Variants in TLN2 observed in about 807,000 individuals in gnomAD.
The protein encoded by TLN2 is talin-2.
A neutral mutation model predicts 294.7 loss-of-function variants in TLN2; 118 were observed. That is an observed-to-expected ratio of 0.40 (90% CI 0.34 to 0.47). TLN2 has a LOEUF of 0.47. Ranked by LOEUF, TLN2 falls within the 20% of genes least tolerant of loss-of-function variation. TLN2 has a pLI of 0.84. For missense variants in TLN2, 3,083 were observed against 3,282.2 expected, an observed-to-expected ratio of 0.94 and a Z score of 1.48; for synonymous variants, 1,431 against 1,304.5, an observed-to-expected ratio of 1.10 and a Z score of -2.09.
At chr15:62,694,236 C>T (rs1465144869) in intron 13 of TLN2, 80 bp from the exon 14 acceptor site, 1 of 1,340,236 alleles carries the variant, frequency 7.5e-7, no homozygotes, top group African/African-American at 1.4e-5. Flanking sequence ...CTCAGCCTCC[C>T]AAAGTGCTGG....
chr15:62,735,618 A>G (rs1382801931), intron 28 of TLN2, among the ~76,000 whole-genome samples: 1 of 152,250 alleles, frequency 6.6e-6, no homozygotes, highest in Non-Finnish European at 1.5e-5. Flanking sequence ...TGCAGTTCTT[A>G]CAGATTGCCA....
At chr15:62,542,404 A>G (rs369024418) in intron 1 of TLN2, among the ~76,000 whole-genome samples, 6 of 152,068 alleles carry the variant, frequency 3.9e-5, no homozygotes, top group African/African-American at 1.4e-4. Flanking sequence ...GTTAGCCAGG[A>G]TGGTCTCGAT....
chr15:62,528,418 A>G (rs2040853220), intron 1 of TLN2, among the ~76,000 whole-genome samples: 1 of 152,066 alleles, frequency 6.6e-6, no homozygotes, highest in Non-Finnish European at 1.5e-5. Flanking sequence ...AGGTTAACAA[A>G]CTTAGGTCCA....
In TLN2 at chr15:62,771,151, C is replaced by G. The variant is rs777711163; in HGVS notation, c.5367+17C>G. 3.8e-6 allele frequency: 6 copies of G among 1,592,506 alleles called. No individual in the cohort carries two copies. The highest frequency in any genetic ancestry group is 1.3e-5 in the African/African-American group (1 of 74,386). On this transcript the variant is annotated intron_variant, in intron 42 of 58. Coordinates refer to ENST00000636159, the MANE Select transcript of TLN2 (RefSeq NM_015059.3). ...AACCCCAAGGTATGGTCCAGGATAT[C>G]GGGGACTCACTTAGGACCACTAAGA...
chr15:62,722,628 T>C (rs2060214901), intron 26 of TLN2, 141 bp downstream of exon 26: 8 of 1,140,834 alleles, frequency 7.0e-6, no homozygotes, highest in Non-Finnish European at 9.2e-6. Context: ...AAGATGCCCC[T>C]GTGGGTTGGC....
intron 1 of TLN2, among the ~76,000 whole-genome samples, chr15:62,505,506 T>C (rs2039568390): frequency 6.6e-6 from 1 of 152,242 alleles, no homozygotes; most frequent in South Asian, 2.1e-4. Flanking sequence ...GTCCTGAGTT[T>C]CTGCCCACTG....
chr15:62,448,287 T>C (rs955265405), intron 1 of TLN2, among the ~76,000 whole-genome samples: 1 of 152,204 alleles, frequency 6.6e-6, no homozygotes, highest in African/African-American at 2.4e-5. Context: ...TCCGTATAGC[T>C]GCTCTTGAAC....
At chr15:62,499,499 T>C (rs530139961) in intron 1 of TLN2, among the ~76,000 whole-genome samples, 1 of 152,316 alleles carries the variant, frequency 6.6e-6, no homozygotes, top group South Asian at 2.1e-4. Flanking sequence ...CAAGCCTCTT[T>C]TAAGCAAACG....
chr15:62,794,649 G>A (rs1442649018), intron 46 of TLN2, among the ~76,000 whole-genome samples: 2 of 152,134 alleles, frequency 1.3e-5, no homozygotes, highest in Non-Finnish European at 2.9e-5. Context: ...TTTCCTGGCA[G>A]GACCTAGTAG....
At chr15:62,480,912 G>T (rs1297064411) in intron 1 of TLN2, among the ~76,000 whole-genome samples, 1 of 152,164 alleles carries the variant, frequency 6.6e-6, no homozygotes, top group African/African-American at 2.4e-5. Flanking sequence ...GTGGGATTCT[G>T]TCAATCTCCC....
intron 1 of TLN2, among the ~76,000 whole-genome samples, chr15:62,437,413 C>G (rs1016779534): frequency 8.6e-5 from 13 of 151,990 alleles, no homozygotes; most frequent in Non-Finnish European, 4.4e-5. Context: ...CCACACCTGA[C>G]CTTTTTTTTT....
chr15:62,612,423 G>A (rs1270704113), intron 2 of TLN2, among the ~76,000 whole-genome samples: 1 of 152,152 alleles, frequency 6.6e-6, no homozygotes, highest in Admixed American at 6.5e-5. Context: ...TAGGCTTTCT[G>A]TAGACAAAGA....
rs1181548661 is a variant in TLN2 at position 62,815,173 on chromosome 15, TCTGTCACACA to T, written c.6772-4341_6772-4332del. Among the ~76,000 whole-genome samples, 118 of 134,046 alleles carry T rather than the reference TCTGTCACACA, an allele frequency of 8.8e-4. 1 individual carries two copies. The highest frequency in any genetic ancestry group is 3.1e-3 in the African/African-American group (116 of 37,012). The allele number at this position is 134,046 out of a possible 152,430, so 87.9% of individuals were successfully genotyped here. ...TTAAAAACTGGAGATTTTTATTCTG[TCTGTCACACA>T]CACACACACACACACACACACACAC... On this transcript the variant is annotated intron_variant, in intron 52 of 58. Coordinates refer to ENST00000636159, the MANE Select transcript of TLN2 (RefSeq NM_015059.3).
chr15:62,527,718 C>G (rs1338683797), intron 1 of TLN2, among the ~76,000 whole-genome samples: 1 of 152,220 alleles, frequency 6.6e-6, no homozygotes, highest in Admixed American at 6.5e-5. Context: ...ACTTTCAATT[C>G]CAGGGCTGGG....
At chr15:62,464,625 A>T (rs984461850) in intron 1 of TLN2, among the ~76,000 whole-genome samples, 3 of 151,890 alleles carry the variant, frequency 2.0e-5, no homozygotes, top group Non-Finnish European at 2.9e-5. Context: ...AATTAGCCAG[A>T]AGTGTTCTTC....
Position 62,692,868 on chromosome 15 carries a change from A to G in TLN2, c.1142A>G (p.Tyr381Cys), listed in dbSNP as rs1195792643. Residue 381 changes from tyrosine (Y) to cysteine (C), a missense_variant, in exon 13 of 59, where the codon TAT becomes TGT. Coordinates refer to ENST00000636159, the MANE Select transcript of TLN2 (RefSeq NM_015059.3). ...LDFGEYQESYYSVQTTEGEQI... is the reference protein window; with the variant it reads ...LDFGEYQESYCSVQTTEGEQI... ...TTTGGGGAGTATCAGGAAAGCTACTATTCAGTACAAACCACCGAGGGAGAG... is the reference window on the plus strand; with the variant it reads ...TTTGGGGAGTATCAGGAAAGCTACTGTTCAGTACAAACCACCGAGGGAGAG... 5.6e-6 allele frequency: 9 copies of G among 1,613,920 alleles called. No homozygotes were observed. The highest frequency in any genetic ancestry group is 1.7e-4 in the Middle Eastern group (1 of 6,060).
intron 2 of TLN2, among the ~76,000 whole-genome samples, chr15:62,613,071 C>A (rs2048044762): frequency 6.6e-6 from 1 of 152,158 alleles, no homozygotes. Flanking sequence ...GACCCTACCG[C>A]TTCTTAAGTA....
chr15:62,574,309 G>C (rs2140656574), intron 1 of TLN2, among the ~76,000 whole-genome samples: 1 of 151,790 alleles, frequency 6.6e-6, no homozygotes, highest in Non-Finnish European at 1.5e-5. Context: ...AGGCGCGGTG[G>C]CTCAGCCTGT....
chr15:62,552,621 T>C (rs2042387063), intron 1 of TLN2, among the ~76,000 whole-genome samples: 1 of 152,244 alleles, frequency 6.6e-6, no homozygotes, highest in Admixed American at 6.5e-5. Context: ...AGCTGTCTGG[T>C]GTTCCTAAGC....
Sources: gnomAD v4.1 joint callset for allele counts (sites outside exome capture counted in the v4.1 genomes callset) on GRCh38, gnomAD v4.1.1 for gene constraint, MANE v1.5 for transcripts, NCBI Gene and HGNC (gene_info 2026-07-23, HGNC 2026-07-21) for gene names.